The following SLC10A7 variants were observed in gnomAD, a reference collection of about 807,000 sequenced individuals.
SLC10A7 encodes sodium/bile acid cotransporter 7.
SLC10A7 carries 29 observed loss-of-function variants against 43.2 expected under a neutral mutation model. The ratio of observed to expected loss-of-function variants is 0.67; its 90% confidence interval spans 0.50 to 0.92. The LOEUF is 0.92. Among genes scored for constraint, SLC10A7 ranks in the 40% least tolerant of loss-of-function variants. SLC10A7 has a pLI of 0.00. For synonymous variants in SLC10A7, 152 were observed against 144.8 expected, an observed-to-expected ratio of 1.05 and a Z score of -0.35; for missense variants, 295 against 403.2, an observed-to-expected ratio of 0.73 and a Z score of 2.30.
At chr4:146,425,111 A>G (rs1046145382) in intron 5 of SLC10A7, among the ~76,000 whole-genome samples, 6 of 152,232 alleles carry the variant, frequency 3.9e-5, no homozygotes, top group Non-Finnish European at 8.8e-5. Flanking sequence ...ACTAACTAGT[A>G]TCTTAACAAC....
intron 4 of SLC10A7, among the ~76,000 whole-genome samples, chr4:146,451,017 A>G (rs927993972): frequency 6.6e-6 from 1 of 151,708 alleles, no homozygotes; most frequent in Admixed American, 6.6e-5. Context: ...ACAATATACT[A>G]AAGAAAAAAA....
At chr4:146,269,997 T>G (rs1419003606) in intron 10 of SLC10A7, among the ~76,000 whole-genome samples, 1 of 152,216 alleles carries the variant, frequency 6.6e-6, no homozygotes, top group African/African-American at 2.4e-5. Flanking sequence ...TTCATGGTAC[T>G]GTGTTTATGT....
In SLC10A7 at chr4:146,294,026, C is replaced by T; in HGVS notation, c.625G>A (p.Val209Ile). The part of the protein sequence containing the change: ...KPPFGAISSS[V>I]LLMIIYTTFC... Reference sequence around the variant, plus strand: ...GTTGTGTAGATGATCATGAGGAGTACACTGCTGCTGATAGCACCAAAAGGA... The same window carrying T: ...GTTGTGTAGATGATCATGAGGAGTATACTGCTGCTGATAGCACCAAAAGGA... The change falls in exon 8 of 12, where the codon GTA (valine) becomes ATA (isoleucine). Residue 209 changes from valine to isoleucine, a missense_variant. By Grantham distance (29) the Val-to-Ile change is conservative. This residue lies in a region of SLC10A7 where 242 missense variants were observed against 362.5 expected (regional missense o/e 0.67). Coordinates refer to ENST00000335472, the MANE Select transcript of SLC10A7 (RefSeq NM_001029998.6). The T allele has an allele frequency of 6.2e-7, 1 of 1,611,524 alleles. No homozygotes were observed. Among genetic ancestry groups the T allele is most frequent in the Non-Finnish European group, 8.5e-7 (1 of 1,178,364 alleles).
chr4:146,481,759 T>G (rs1244057031), intron 4 of SLC10A7, among the ~76,000 whole-genome samples: 1 of 152,092 alleles, frequency 6.6e-6, no homozygotes, highest in African/African-American at 2.4e-5. Context: ...AAGTCCCAGG[T>G]GCTAATAGTA....
intron 6 of SLC10A7, among the ~76,000 whole-genome samples, chr4:146,314,131 T>C (rs1732167667): frequency 6.6e-6 from 1 of 152,062 alleles, no homozygotes; most frequent in Admixed American, 6.6e-5. Context: ...AGTGACAAAA[T>C]CTCTCTGAAC....
chr4:146,348,810 T>C (rs1734811332), intron 5 of SLC10A7, among the ~76,000 whole-genome samples: 1 of 152,218 alleles, frequency 6.6e-6, no homozygotes, highest in African/African-American at 2.4e-5. Context: ...GCCAAAGATA[T>C]AATAATTTTC....
chr4:146,330,850 C>T (rs1733483229), intron 5 of SLC10A7, among the ~76,000 whole-genome samples: 1 of 152,062 alleles, frequency 6.6e-6, no homozygotes, highest in South Asian at 2.1e-4. Flanking sequence ...AGTGGTCTGG[C>T]TGAAGCTTTC....
At chr4:146,319,481 C>T (rs1228385316) in intron 6 of SLC10A7, among the ~76,000 whole-genome samples, 1 of 152,064 alleles carries the variant, frequency 6.6e-6, no homozygotes, top group Non-Finnish European at 1.5e-5. Flanking sequence ...TTGTCTTCAG[C>T]ACTTATCACC....
At chr4:146,283,955 A>G (rs770198345) in intron 9 of SLC10A7, among the ~76,000 whole-genome samples, 1 of 152,084 alleles carries the variant, frequency 6.6e-6, no homozygotes, top group Non-Finnish European at 1.5e-5. Context: ...ACTATATTCT[A>G]CTATTGTTAT....
chr4:146,325,954 TACTC>T lies in SLC10A7; in HGVS notation c.471+3_471+6del, dbSNP rs1299769305. ...AAATATATTAAAGACAACATCAAAATACTCACAAAAAGCAGCAGGAGCAGGGGTG... is the reference window on the plus strand; with the variant it reads ...AAATATATTAAAGACAACATCAAAATACAAAAAGCAGCAGGAGCAGGGGTG... On this transcript the variant is annotated splice_donor_5th_base_variant and intron_variant, in intron 6 of 11. Coordinates refer to ENST00000335472, the MANE Select transcript of SLC10A7 (RefSeq NM_001029998.6). The T allele has an allele frequency of 1.2e-6, 2 of 1,610,188 alleles. No homozygotes were observed. Among genetic ancestry groups the T allele is most frequent in the Non-Finnish European group, 1.7e-6 (2 of 1,177,714 alleles).
At chr4:146,497,732 C>T (rs1184069783) in intron 4 of SLC10A7, among the ~76,000 whole-genome samples, 1 of 152,128 alleles carries the variant, frequency 6.6e-6, no homozygotes, top group Non-Finnish European at 1.5e-5. Context: ...TACAACAATA[C>T]TATGAAAACC....
intron 4 of SLC10A7, among the ~76,000 whole-genome samples, chr4:146,466,385 T>C (rs1395495210): frequency 7.5e-6 from 1 of 134,168 alleles, no homozygotes; most frequent in Non-Finnish European, 1.7e-5. Flanking sequence ...CCAAAACCCC[T>C]GGAAGTGGCC....
At chr4:146,520,672 A>G (rs904230684) in intron 1 of SLC10A7, among the ~76,000 whole-genome samples, 10 of 152,164 alleles carry the variant, frequency 6.6e-5, no homozygotes, top group African/African-American at 9.7e-5. Context: ...CTACTATGAA[A>G]TATTGTGCCT....
At chr4:146,319,236 A>G (rs573879210) in intron 6 of SLC10A7, among the ~76,000 whole-genome samples, 14 of 152,168 alleles carry the variant, frequency 9.2e-5, no homozygotes, top group African/African-American at 2.9e-4. Context: ...ACTGTATTCC[A>G]GTCACACTGG....
At chr4:146,484,706 T>A (rs1257169181) in intron 4 of SLC10A7, among the ~76,000 whole-genome samples, 2 of 152,266 alleles carry the variant, frequency 1.3e-5, no homozygotes, top group East Asian at 3.9e-4. Flanking sequence ...AAGTATTGAT[T>A]TTTTTAAATA....
chr4:146,266,020 G>T (rs1045149598), intron 10 of SLC10A7, among the ~76,000 whole-genome samples: 1 of 152,200 alleles, frequency 6.6e-6, no homozygotes, highest in African/African-American at 2.4e-5. Context: ...GTCTTTCAAA[G>T]ATTCATTCGC....
intron 5 of SLC10A7, among the ~76,000 whole-genome samples, chr4:146,420,405 A>G (rs1258188176): frequency 1.3e-5 from 2 of 152,146 alleles, no homozygotes; most frequent in African/African-American, 4.8e-5. Context: ...TTCATGAAAA[A>G]CTTGGTCAGT....
chr4:146,471,203 T>C (rs1489076822), intron 4 of SLC10A7, among the ~76,000 whole-genome samples: 2 of 152,188 alleles, frequency 1.3e-5, no homozygotes, highest in African/African-American at 2.4e-5. Context: ...AGTGTCATGT[T>C]GCCATTCAAA....
chr4:146,441,385 A>C (rs901736974), intron 5 of SLC10A7, among the ~76,000 whole-genome samples: 2 of 152,172 alleles, frequency 1.3e-5, no homozygotes, highest in African/African-American at 4.8e-5. Flanking sequence ...TTCTCTAACA[A>C]AGGAATCGTA....
Sources: allele counts gnomAD v4.1 joint callset (sites outside exome capture counted in the v4.1 genomes callset), GRCh38; gene constraint gnomAD v4.1.1; regional missense constraint gnomAD v4.1.1; transcripts MANE v1.5; gene names NCBI Gene and HGNC (gene_info 2026-07-23, HGNC 2026-07-21).